Variants in STT3B observed in about 807,000 individuals in gnomAD.
STT3B encodes STT3 oligosaccharyltransferase complex catalytic subunit B, also known as dolichyl-diphosphooligosaccharide--protein glycosyltransferase subunit STT3B.
A neutral mutation model predicts 96.8 loss-of-function variants in STT3B; 29 were observed. The ratio of observed to expected loss-of-function variants is 0.30; its 90% CI spans 0.22 to 0.41. The LOEUF (loss-of-function observed/expected upper bound fraction) is 0.41. Among genes scored for constraint, STT3B ranks in the 10% least tolerant of loss-of-function variants. The probability of loss-of-function intolerance (pLI) is 1.00; values close to 1 mark genes in which losing one functional copy is unlikely to be tolerated. For missense variants in STT3B, 640 were observed against 1,022.3 expected (o/e 0.63, Z 5.10); for synonymous variants, 367 against 360.0 (o/e 1.02, Z -0.22).
At chr3:31,622,743 CAGTAAAATGAAGGG>C (rs1246007247) in intron 10 of STT3B, among the ~76,000 whole-genome samples, 1 of 152,100 alleles carries the variant, frequency 6.6e-6, no homozygotes, top group Non-Finnish European at 1.5e-5. Flanking sequence ...ATTGGTTGAA[CAGTAAAATGAAGGG>C]AGCAAAATGC....
At chr3:31,578,801 G>A (rs1237174908) in intron 2 of STT3B, among the ~76,000 whole-genome samples, 6 of 151,822 alleles carry the variant, frequency 4.0e-5, no homozygotes, top group Non-Finnish European at 7.4e-5. Flanking sequence ...TCTTGTGAGC[G>A]TAGGCAGTTA....
intron 3 of STT3B, 102 bp downstream of exon 3, chr3:31,580,198 C>A: frequency 4.5e-6 from 5 of 1,113,130 alleles, no homozygotes; most frequent in Non-Finnish European, 6.5e-6. Context: ...TATGTAGTTG[C>A]GTACAGAGAT....
chr3:31,594,402 A>G (rs1354858348), intron 3 of STT3B, among the ~76,000 whole-genome samples: 2 of 150,866 alleles, frequency 1.3e-5, no homozygotes, highest in African/African-American at 2.4e-5. Flanking sequence ...CTGATAGCCC[A>G]GCTTAAATTA....
intron 3 of STT3B, among the ~76,000 whole-genome samples, chr3:31,585,744 C>G (rs1450953503): frequency 6.6e-6 from 1 of 151,878 alleles, no homozygotes; most frequent in Admixed American, 6.6e-5. Context: ...TAGGCGTGAC[C>G]CTGTATATCC....
chr3:31,627,047 C>G (rs571330693), intron 13 of STT3B, among the ~76,000 whole-genome samples: 1 of 152,318 alleles, frequency 6.6e-6, no homozygotes, highest in East Asian at 1.9e-4. Context: ...CTTGCCCCCT[C>G]TCCAAAAGCC....
intron 3 of STT3B, among the ~76,000 whole-genome samples, chr3:31,581,031 G>A (rs770214142): frequency 2.1e-4 from 32 of 151,858 alleles, no homozygotes; most frequent in Non-Finnish European, 3.8e-4. Context: ...TAATACATGC[G>A]TATGTGGCTA....
At chr3:31,575,015 G>A (rs1043435621) in intron 1 of STT3B, among the ~76,000 whole-genome samples, 4 of 151,666 alleles carry the variant, frequency 2.6e-5, no homozygotes, top group African/African-American at 9.7e-5. Flanking sequence ...TTACAATTTT[G>A]CCATTCAAAA....
In STT3B at chr3:31,636,649, G is replaced by C. The variant is rs1699759849; in HGVS notation, c.*585G>C. 6.6e-6 allele frequency: 1 copy of C among 152,166 alleles called. No homozygotes were observed. Among genetic ancestry groups the C allele is most frequent in the Non-Finnish European group, 1.5e-5 (1 of 68,028 alleles). 9.4% of individuals were successfully genotyped at this position (152,166 alleles called of 1,614,324 possible). ...TTACTGTTTGCTCTGAGAAGAAGCT[G>C]CTGTTTCAAAGATGGACCTCTGAGT... On this transcript the variant is annotated 3_prime_UTR_variant, in exon 16 of 16. Coordinates refer to ENST00000295770, the MANE Select transcript of STT3B (RefSeq NM_178862.3).
At chr3:31,564,084 A>C (rs1697943584) in intron 1 of STT3B, among the ~76,000 whole-genome samples, 1 of 152,144 alleles carries the variant, frequency 6.6e-6, no homozygotes, top group African/African-American at 2.4e-5. Flanking sequence ...CCTGAATGAA[A>C]ATTTAATTAA....
intron 1 of STT3B, among the ~76,000 whole-genome samples, chr3:31,549,704 A>G (rs1404677615): frequency 6.6e-6 from 1 of 152,180 alleles, no homozygotes; most frequent in African/African-American, 2.4e-5. Context: ...TCTAATTTAG[A>G]TAATATCTAG....
chr3:31,617,014 T>G lies in STT3B; in HGVS notation c.1062T>G (p.Phe354Leu), dbSNP rs978927985. Residue 354 changes from phenylalanine (F) to leucine (L), a missense_variant, in exon 7 of 16, where the codon TTT (phenylalanine) becomes TTG (leucine). Transcript: ENST00000295770. Reference protein sequence around the residue: ...LTKQEFQTLFFLGVSLAAGAV... With the variant: ...LTKQEFQTLFLLGVSLAAGAV... ...AACAAGAGTTCCAGACCCTTTTCTT[T>G]TTGGGTGTATCACTAGCTGCAGGTG... is the stretch of plus-strand genomic sequence containing the variant. 4.3e-6 allele frequency: 7 copies of G among 1,611,830 alleles called. No homozygotes were observed. The African/African-American group carries it at 5.3e-5, about 12-fold the overall frequency.
intron 8 of STT3B, 72 bp from the exon 9 acceptor site, chr3:31,619,604 A>C: frequency 7.6e-7 from 1 of 1,314,286 alleles, no homozygotes; most frequent in Non-Finnish European, 1.1e-6. Context: ...CAACCAAACA[A>C]GATTTCTTCA....
intron 8 of STT3B, among the ~76,000 whole-genome samples, 191 bp from the exon 9 acceptor site, chr3:31,619,485 A>T (rs1164570935): frequency 6.6e-6 from 1 of 152,214 alleles, no homozygotes; most frequent in African/African-American, 2.4e-5. Context: ...CAGAGGGCAT[A>T]TTAGTTTTAG....
At chr3:31,617,163 C>T in intron 7 of STT3B, 88 bp downstream of exon 7, 1 of 1,003,898 alleles carries the variant, frequency 1.0e-6, no homozygotes, top group Admixed American at 2.8e-5. Context: ...TGAATAACAG[C>T]ATGACTACAA....
At chr3:31,534,417 A>G (rs1697033823) in intron 1 of STT3B, among the ~76,000 whole-genome samples, 1 of 152,092 alleles carries the variant, frequency 6.6e-6, no homozygotes, top group East Asian at 1.9e-4. Context: ...CTGAGTTAGG[A>G]TTTTCCCCTC....
intron 15 of STT3B, among the ~76,000 whole-genome samples, chr3:31,633,442 C>T (rs1211221752): frequency 6.6e-6 from 1 of 152,074 alleles, no homozygotes; most frequent in African/African-American, 2.4e-5. Context: ...GCTTTCCAAA[C>T]CTGTATGAAA....
chr3:31,559,910 A>G (rs759770086), intron 1 of STT3B, among the ~76,000 whole-genome samples: 1 of 152,028 alleles, frequency 6.6e-6, no homozygotes, highest in Non-Finnish European at 1.5e-5. Context: ...TATTTCTTCT[A>G]GTTGAATCCA....
chr3:31,610,331 G>A (rs1699155500), intron 5 of STT3B, among the ~76,000 whole-genome samples: 1 of 152,182 alleles, frequency 6.6e-6, no homozygotes, highest in Admixed American at 6.5e-5. Flanking sequence ...TTGGTTGAGA[G>A]AGAGCAAAGC....
chr3:31,551,887 G>GCTACT lies in STT3B; in HGVS notation c.314+18575_314+18576insCTACT, dbSNP rs1158654548. On this transcript the variant is annotated intron_variant, in intron 1 of 15. Transcript: ENST00000295770. ...CTGTTAGGGAAGCCTATGTGGCAAG[G>GCTACT]AACTACTAACAGCCTCTATGATGTT... 9.8e-3 allele frequency among the ~76,000 whole-genome samples: 1,494 copies of GCTACT among 152,196 alleles called. 34 individuals are homozygous for GCTACT. Among genetic ancestry groups the GCTACT allele is most frequent in the African/African-American group, 0.034 (1,424 of 41,504 alleles).
Sources: allele counts gnomAD v4.1 joint callset (sites outside exome capture counted in the v4.1 genomes callset), GRCh38; gene constraint gnomAD v4.1.1; transcripts MANE v1.5; gene names NCBI Gene and HGNC (gene_info 2026-07-23, HGNC 2026-07-21).